The following ST3GAL1 variants were observed in gnomAD, a reference collection of about 807,000 sequenced individuals.
ST3GAL1 encodes the protein CMP-N-acetylneuraminate-beta-galactosamide-alpha-2,3-sialyltransferase 1.
ST3GAL1 carries 16 observed loss-of-function variants against 34.1 expected under a neutral mutation model. The ratio of observed to expected loss-of-function variants is 0.47; its 90% CI spans 0.32 to 0.71. The LOEUF (loss-of-function observed/expected upper bound fraction) is 0.71, where lower values mean the gene tolerates loss of function less well. ST3GAL1 is among the 30% of genes least tolerant of loss of function. The pLI, the probability that ST3GAL1 is intolerant of heterozygous loss-of-function variation, is 0.04. For missense variants in ST3GAL1, 353 were observed against 447.4 expected (o/e 0.79, Z 1.90); for synonymous variants, 191 against 184.7 (o/e 1.03, Z -0.28).
At chr8:133,524,547 G>C (rs1471155492) in intron 2 of ST3GAL1, among the ~76,000 whole-genome samples, 1 of 152,258 alleles carries the variant, frequency 6.6e-6, no homozygotes, top group Non-Finnish European at 1.5e-5. Flanking sequence ...GTTGTGCTCA[G>C]CTTATGCTAC....
rs568754819 is a variant in ST3GAL1 at position 133,466,491 on chromosome 8, A to C, written c.307-401T>G. Among the ~76,000 whole-genome samples, 9 of 152,170 alleles carry C rather than the reference A, an allele frequency of 5.9e-5. No homozygotes were observed. In the East Asian group the frequency reaches 9.7e-4, roughly 16 times the overall value. The stretch of plus-strand genomic sequence containing the variant: ...GCCCTCCATCCCCCTACGTGTCACC[A>C]CTTGAAAGAGAGAAAAATAGCAGAA... On this transcript the variant is annotated intron_variant, in intron 5 of 9. Transcript: ENST00000522652. This position sits in a 1 kb window ranked among gnomAD's most constrained non-coding sequence, Gnocchi z 4.4.
At chr8:133,562,112 C>T (rs1819242630) in intron 1 of ST3GAL1, among the ~76,000 whole-genome samples, 1 of 151,894 alleles carries the variant, frequency 6.6e-6, no homozygotes, top group African/African-American at 2.4e-5. Context: ...GAGAGACCTA[C>T]CAAGTAGAAA....
At chr8:133,468,798 C>A (rs1348681001) in intron 5 of ST3GAL1, among the ~76,000 whole-genome samples, 1 of 152,184 alleles carries the variant, frequency 6.6e-6, no homozygotes, top group African/African-American at 2.4e-5. Context: ...CGAAATCCTG[C>A]ATTTCTAACA....
intron 1 of ST3GAL1, among the ~76,000 whole-genome samples, chr8:133,568,665 C>T (rs73711020): frequency 0.025 from 3,854 of 151,238 alleles, 178 homozygotes; most frequent in African/African-American, 0.089. Flanking sequence ...CAAATATAAA[C>T]CCTTTGAGTC....
chr8:133,464,254 C>T (rs1185952380), intron 7 of ST3GAL1, among the ~76,000 whole-genome samples: 2 of 152,214 alleles, frequency 1.3e-5, no homozygotes, highest in East Asian at 1.9e-4. Flanking sequence ...TAATATGTGC[C>T]GAGTGCCACG....
intron 9 of ST3GAL1, among the ~76,000 whole-genome samples, chr8:133,460,487 A>T (rs1038696708): frequency 1.3e-5 from 2 of 152,250 alleles, no homozygotes; most frequent in Non-Finnish European, 2.9e-5. Flanking sequence ...GCCAACATTC[A>T]TCTGGTCCAG....
chr8:133,475,908 G>A lies in ST3GAL1; in HGVS notation c.117C>T (p.Pro39=). The change falls in exon 5 of 10, where the codon CCC becomes CCT. Residue 39 remains proline, a synonymous_variant. Coordinates refer to ENST00000522652, the MANE Select transcript of ST3GAL1 (RefSeq NM_173344.3). ...CGGAGAGCTCCAGGACCATCTGCTT[G>A]GGGAACCAGGTGGTGGCCACCATGG... The part of the protein sequence containing the change: ...SHTMVATTWF[P]KQMVLELSEN... 6.2e-7 allele frequency: 1 copy of A among 1,614,060 alleles called. No homozygotes were observed. Among genetic ancestry groups the A allele is most frequent in the South Asian group, 1.1e-5 (1 of 91,072 alleles).
At chr8:133,470,013 T>C (rs184496281) in intron 5 of ST3GAL1, among the ~76,000 whole-genome samples, 6 of 152,318 alleles carry the variant, frequency 3.9e-5, no homozygotes, top group Admixed American at 3.3e-4. Flanking sequence ...ATTATCATAG[T>C]AAGTCCTCCC....
In ST3GAL1 at chr8:133,553,467, G is replaced by T. The variant is rs1401798621; in HGVS notation, c.-581-7541C>A. 2.0e-5 allele frequency among the ~76,000 whole-genome samples: 3 copies of T among 152,200 alleles called. No individual in the cohort carries two copies. In the East Asian group the frequency reaches 5.8e-4, roughly 29 times the overall value. On this transcript the variant is annotated intron_variant, in intron 1 of 9. Transcript: ENST00000522652. ...CCTCACTTTACCTGCTGTTCAAAAG[G>T]GACAAACACAATAATGACTTGGCCA... is the stretch of plus-strand genomic sequence containing the variant.
At chr8:133,542,113 C>A (rs62518360) in intron 2 of ST3GAL1, among the ~76,000 whole-genome samples, 55,567 of 116,328 alleles carry the variant, frequency 0.48, 11,064 homozygotes, top group East Asian at 0.68. Flanking sequence ...ACACACACAC[C>A]CACGCACACA....
chr8:133,472,021 G>A (rs1815982126), intron 5 of ST3GAL1, among the ~76,000 whole-genome samples: 1 of 151,990 alleles, frequency 6.6e-6, no homozygotes, highest in Non-Finnish European at 1.5e-5. Context: ...ATTGGACATG[G>A]GGACTGGGGA....
chr8:133,526,389 C>G (rs1041164343), intron 2 of ST3GAL1, among the ~76,000 whole-genome samples: 1 of 152,098 alleles, frequency 6.6e-6, no homozygotes, highest in African/African-American at 2.4e-5. Context: ...GCTCCTAAGT[C>G]TCTCCAACCA....
chr8:133,553,975 AG>A (rs1818933499), intron 1 of ST3GAL1, among the ~76,000 whole-genome samples: 1 of 152,116 alleles, frequency 6.6e-6, no homozygotes. Flanking sequence ...GAGTACAGGG[AG>A]GTGTCCGGGG....
intron 2 of ST3GAL1, among the ~76,000 whole-genome samples, chr8:133,538,123 A>C (rs1392619897): frequency 1.3e-5 from 2 of 152,230 alleles, no homozygotes; most frequent in Non-Finnish European, 2.9e-5. Context: ...AGAAGGAGCA[A>C]ACAGCAGGCC....
intron 2 of ST3GAL1, among the ~76,000 whole-genome samples, chr8:133,540,779 A>T (rs1372296657): frequency 1.2e-5 from 1 of 80,382 alleles, no homozygotes; most frequent in Admixed American, 1.2e-4. Context: ...ATATATAGAG[A>T]CATATATATA....
At chr8:133,472,077 G>C (rs976905339) in intron 5 of ST3GAL1, among the ~76,000 whole-genome samples, 2 of 152,074 alleles carry the variant, frequency 1.3e-5, no homozygotes, top group Admixed American at 6.5e-5. Context: ...GACCCGAGGA[G>C]AGGGTCACAG....
chr8:133,495,908 G>T (rs142670027), intron 3 of ST3GAL1, among the ~76,000 whole-genome samples: 1 of 152,188 alleles, frequency 6.6e-6, no homozygotes, highest in Non-Finnish European at 1.5e-5. Context: ...GTCAGGTTGC[G>T]CCTGAACTGC....
In ST3GAL1 at chr8:133,570,074, C is replaced by T. The variant is rs1452183868; in HGVS notation, c.-582+1619G>A. ...TTAGCACCTACGACGTGCCAGGCGC[C>T]CTGGCGACTATTGGAAAACCCGGCT... On this transcript the variant is annotated intron_variant, in intron 1 of 9. Transcript: ENST00000522652. This position sits in a 1 kb window ranked among gnomAD's most constrained non-coding sequence, Gnocchi z 5.6. 5 of 152,320 alleles carry T rather than the reference C, an allele frequency of 3.3e-5. No homozygotes were observed. The highest frequency in any genetic ancestry group is 7.3e-5 in the Non-Finnish European group (5 of 68,104). The allele number at this position is 152,320 out of a possible 1,614,324, so 9.4% of individuals were successfully genotyped here.
chr8:133,493,739 G>A (rs1341022862), intron 3 of ST3GAL1, among the ~76,000 whole-genome samples: 3 of 151,986 alleles, frequency 2.0e-5, no homozygotes, highest in Non-Finnish European at 4.4e-5. Context: ...CCAGCTACTC[G>A]GGAGGCTAAG....
Sources: gnomAD v4.1 joint callset for allele counts (sites outside exome capture counted in the v4.1 genomes callset) on GRCh38, gnomAD v4.1.1 for gene constraint, Gnocchi (gnomAD v3.1) non-coding constraint, MANE v1.5 for transcripts, NCBI Gene and HGNC (gene_info 2026-07-23, HGNC 2026-07-21) for gene names.